Variants in SPATA16 observed in about 807,000 individuals in gnomAD.
SPATA16 encodes spermatogenesis-associated protein 16.
In SPATA16, 36 loss-of-function variants were observed where a neutral mutation model predicts 63.3. The observed-to-expected ratio is 0.57, with a 90% confidence interval of 0.44 to 0.75. SPATA16 has a LOEUF of 0.75. Among genes scored for constraint, SPATA16 ranks in the 30% least tolerant of loss-of-function variants. The probability of loss-of-function intolerance (pLI) is 0.00; values close to 1 mark genes in which losing one functional copy is unlikely to be tolerated. For synonymous variants in SPATA16, 203 were observed against 216.7 expected (o/e 0.94, Z 0.56); for missense variants, 646 against 679.3 (o/e 0.95, Z 0.54).
chr3:172,934,272 A>G (rs1190600425), intron 6 of SPATA16, among the ~76,000 whole-genome samples: 1 of 151,994 alleles, frequency 6.6e-6, no homozygotes, highest in Non-Finnish European at 1.5e-5. Context: ...TCACTTGTTT[A>G]TTTGTTTATA....
At chr3:173,005,243 G>A (rs903838860) in intron 4 of SPATA16, among the ~76,000 whole-genome samples, 1 of 148,950 alleles carries the variant, frequency 6.7e-6, no homozygotes, top group African/African-American at 2.5e-5. Context: ...GGAATTGCTT[G>A]AACCTGGGAG....
At chr3:172,968,438 T>C (rs1382080619) in intron 5 of SPATA16, among the ~76,000 whole-genome samples, 1 of 152,186 alleles carries the variant, frequency 6.6e-6, no homozygotes, top group East Asian at 1.9e-4. Context: ...CCTATTGGCA[T>C]GTACATGTTG....
intron 6 of SPATA16, among the ~76,000 whole-genome samples, chr3:172,951,320 G>T (rs1733425088): frequency 6.6e-6 from 1 of 151,952 alleles, no homozygotes; most frequent in Non-Finnish European, 1.5e-5. Flanking sequence ...AAGTTCCTGA[G>T]CATGTATAAA....
intron 5 of SPATA16, among the ~76,000 whole-genome samples, chr3:172,960,907 TCCCTCCCTCCC>T (rs1733742991): frequency 6.7e-5 from 10 of 149,470 alleles, no homozygotes; most frequent in South Asian, 2.1e-4. Context: ...CCTTCCTTCC[TCCCTCCCTCCC>T]TTCCTTCCTT....
chr3:173,003,049 T>G (rs1734861552), intron 4 of SPATA16, among the ~76,000 whole-genome samples: 1 of 152,184 alleles, frequency 6.6e-6, no homozygotes, highest in Non-Finnish European at 1.5e-5. Flanking sequence ...CTGATTATAT[T>G]TGATACACTA....
chr3:172,902,646 A>G (rs992333519), intron 10 of SPATA16, among the ~76,000 whole-genome samples: 12 of 152,178 alleles, frequency 7.9e-5, no homozygotes, highest in Admixed American at 5.9e-4. Flanking sequence ...TTTATTCTAC[A>G]TCTAAGTTAG....
chr3:173,133,738 G>T (rs951965966), intron 1 of SPATA16, among the ~76,000 whole-genome samples: 4 of 152,124 alleles, frequency 2.6e-5, no homozygotes, highest in Non-Finnish European at 5.9e-5. Flanking sequence ...GTGGGAAATT[G>T]TAACACAACT....
chr3:172,914,031 A>G (rs1004530507), intron 9 of SPATA16, among the ~76,000 whole-genome samples: 2 of 152,190 alleles, frequency 1.3e-5, no homozygotes, highest in Non-Finnish European at 2.9e-5. Context: ...TGGGGTTGTA[A>G]AGAATGAAGG....
intron 1 of SPATA16, among the ~76,000 whole-genome samples, chr3:173,136,663 G>C (rs993079165): frequency 2.6e-5 from 4 of 152,184 alleles, no homozygotes; most frequent in Non-Finnish European, 5.9e-5. Flanking sequence ...CTGTGGCAGA[G>C]GGAGGAATAA....
At chr3:173,032,158 A>T (rs1481297923) in intron 3 of SPATA16, among the ~76,000 whole-genome samples, 1 of 152,124 alleles carries the variant, frequency 6.6e-6, no homozygotes, top group Non-Finnish European at 1.5e-5. Flanking sequence ...CAAACAGAAA[A>T]CAACTCAAAT....
chr3:173,129,747 C>T (rs1486774805), intron 1 of SPATA16, among the ~76,000 whole-genome samples: 1 of 152,068 alleles, frequency 6.6e-6, no homozygotes, highest in East Asian at 1.9e-4. Flanking sequence ...CGAGTCAAGA[C>T]ATTTGTTCCC....
chr3:173,020,990 C>A (rs1265713179), intron 3 of SPATA16, among the ~76,000 whole-genome samples: 1 of 152,164 alleles, frequency 6.6e-6, no homozygotes, highest in African/African-American at 2.4e-5. Flanking sequence ...GAAAAATGCA[C>A]ATAATCATAA....
At chr3:173,037,042 A>C (rs1735728792) in intron 3 of SPATA16, among the ~76,000 whole-genome samples, 1 of 152,034 alleles carries the variant, frequency 6.6e-6, no homozygotes, top group African/African-American at 2.4e-5. Context: ...ACGACGTTAA[A>C]ATATAAAATT....
At chr3:172,891,841 C>G (rs1731900975) in intron 10 of SPATA16, among the ~76,000 whole-genome samples, 1 of 152,192 alleles carries the variant, frequency 6.6e-6, no homozygotes, top group Non-Finnish European at 1.5e-5. Context: ...TCCTTCAGAA[C>G]CCAGGCCAAG....
intron 8 of SPATA16, among the ~76,000 whole-genome samples, chr3:172,922,232 A>G (rs1732628890): frequency 6.6e-6 from 1 of 152,248 alleles, no homozygotes; most frequent in South Asian, 2.1e-4. Flanking sequence ...AGGCTTACCT[A>G]CTTCAATTTC....
At chr3:172,933,876 A>G (rs970511329) in intron 6 of SPATA16, among the ~76,000 whole-genome samples, 1 of 152,190 alleles carries the variant, frequency 6.6e-6, no homozygotes, top group African/African-American at 2.4e-5. Flanking sequence ...GATGAGATGT[A>G]AGACAGAGAT....
intron 2 of SPATA16, among the ~76,000 whole-genome samples, chr3:173,076,848 A>G (rs1389379959): frequency 1.3e-5 from 2 of 152,122 alleles, no homozygotes; most frequent in African/African-American, 4.8e-5. Flanking sequence ...TTCTGGCTGT[A>G]GTGAACTCTG....
At chr3:173,121,316 G>A (rs1026678919) in intron 1 of SPATA16, among the ~76,000 whole-genome samples, 1 of 151,806 alleles carries the variant, frequency 6.6e-6, no homozygotes, top group African/African-American at 2.4e-5. Flanking sequence ...GGAATTTGAG[G>A]CCTTTTACCA....
chr3:172,899,705 C>T (rs1732083875), intron 10 of SPATA16, among the ~76,000 whole-genome samples: 1 of 152,020 alleles, frequency 6.6e-6, no homozygotes, highest in Non-Finnish European at 1.5e-5. Context: ...TTCACTCCCC[C>T]TACCTTTTTG....
Sources: allele counts gnomAD v4.1 joint callset (sites outside exome capture counted in the v4.1 genomes callset), GRCh38; gene constraint gnomAD v4.1.1; transcripts MANE v1.5; gene names NCBI Gene and HGNC (gene_info 2026-07-23, HGNC 2026-07-21).